The following NLGN1 variants were observed in gnomAD, a reference collection of about 807,000 sequenced individuals.
The protein encoded by NLGN1 is neuroligin-1.
In NLGN1, 12 loss-of-function variants were observed where a neutral mutation model predicts 65.5. The observed-to-expected ratio is 0.18, with a 90% CI of 0.12 to 0.30. The LOEUF is 0.30. NLGN1 is among the 10% of genes least tolerant of loss of function. The probability of loss-of-function intolerance (pLI) is 1.00; values close to 1 mark genes in which losing one functional copy is unlikely to be tolerated. For synonymous variants in NLGN1, 350 were observed against 359.5 expected (o/e 0.97, Z 0.30); for missense variants, 750 against 1,007.1 (o/e 0.74, Z 3.46).
intron 4 of NLGN1, among the ~76,000 whole-genome samples, chr3:174,238,509 C>T (rs1421411186): frequency 1.3e-5 from 2 of 151,928 alleles, no homozygotes. Flanking sequence ...ACTACAGGTG[C>T]GTGCCACCAT....
chr3:173,981,349 G>A (rs1425388093), intron 4 of NLGN1, among the ~76,000 whole-genome samples: 1 of 151,944 alleles, frequency 6.6e-6, no homozygotes, highest in Non-Finnish European at 1.5e-5. Flanking sequence ...ATAGTATTTG[G>A]GTGGTTTCAC....
At chr3:174,224,063 A>G (rs1341131490) in intron 4 of NLGN1, among the ~76,000 whole-genome samples, 14 of 152,034 alleles carry the variant, frequency 9.2e-5, no homozygotes. Flanking sequence ...TCTCTTTTCT[A>G]TCTCATGAAT....
intron 3 of NLGN1, among the ~76,000 whole-genome samples, chr3:173,651,298 A>G (rs1266390811): frequency 1.3e-5 from 2 of 150,950 alleles, no homozygotes; most frequent in African/African-American, 2.4e-5. Flanking sequence ...TTCAATATTT[A>G]TGTGTTATAT....
intron 4 of NLGN1, among the ~76,000 whole-genome samples, chr3:173,898,725 G>A (rs1736787345): frequency 6.6e-6 from 1 of 152,080 alleles, no homozygotes; most frequent in African/African-American, 2.4e-5. Flanking sequence ...TCCATTTTTA[G>A]TAGTAGGATT....
chr3:174,138,433 C>CTTTTTTTTTT (rs58713208), intron 4 of NLGN1, among the ~76,000 whole-genome samples: 3 of 132,564 alleles, frequency 2.3e-5, no homozygotes, highest in Non-Finnish European at 4.8e-5. Context: ...TTCTACTATT[C>CTTTTTTTTTT]TTTTTTTTTT....
chr3:174,014,573 A>G (rs1726177201), intron 4 of NLGN1, among the ~76,000 whole-genome samples: 1 of 152,074 alleles, frequency 6.6e-6, no homozygotes, highest in Non-Finnish European at 1.5e-5. Context: ...GTTATATTGC[A>G]CTCTTTGCAT....
chr3:173,970,689 G>T (rs1385291298), intron 4 of NLGN1, among the ~76,000 whole-genome samples: 1 of 152,128 alleles, frequency 6.6e-6, no homozygotes, highest in Non-Finnish European at 1.5e-5. Context: ...CTTAAATCTA[G>T]GCCTTGTCAA....
At chr3:173,800,062 T>C (rs1715105493) in intron 3 of NLGN1, among the ~76,000 whole-genome samples, 1 of 151,466 alleles carries the variant, frequency 6.6e-6, no homozygotes, top group Non-Finnish European at 1.5e-5. Flanking sequence ...CCATAATGTA[T>C]TTTTTATGCT....
intron 4 of NLGN1, among the ~76,000 whole-genome samples, chr3:173,863,346 A>T (rs1729518383): frequency 6.6e-6 from 1 of 152,192 alleles, no homozygotes; most frequent in African/African-American, 2.4e-5. Flanking sequence ...AAATGGATAT[A>T]CGTTTCCTAA....
chr3:173,734,379 C>CAATTTTT (rs1560261820), intron 3 of NLGN1, among the ~76,000 whole-genome samples: 3 of 59,048 alleles, frequency 5.1e-5, no homozygotes, highest in African/African-American at 1.9e-4. Context: ...GTGGATAATT[C>CAATTTTT]TATTTTTTTT....
chr3:174,034,389 T>C (rs1180210896), intron 4 of NLGN1, among the ~76,000 whole-genome samples: 1 of 151,996 alleles, frequency 6.6e-6, no homozygotes, highest in East Asian at 1.9e-4. Context: ...AAAAGAGCAT[T>C]AGAGAAGGAA....
At chr3:174,289,915 G>A (rs999953096), downstream of NLGN1, among the ~76,000 whole-genome samples, 2 of 138,698 alleles carry the variant, frequency 1.4e-5, no homozygotes, top group Non-Finnish European at 3.1e-5. Flanking sequence ...ATATATGTAT[G>A]TATATATATG....
chr3:174,044,152 C>A (rs954698607), intron 4 of NLGN1, among the ~76,000 whole-genome samples: 5 of 152,166 alleles, frequency 3.3e-5, no homozygotes, highest in Admixed American at 1.3e-4. Flanking sequence ...CTACACACAC[C>A]TGGGGAGCCC....
intron 1 of NLGN1, among the ~76,000 whole-genome samples, chr3:173,408,067 T>C (rs1262948290): frequency 6.6e-6 from 1 of 152,294 alleles, no homozygotes; most frequent in South Asian, 2.1e-4. Context: ...ATTCTTCTTA[T>C]CATTTTTGTT....
At chr3:173,416,772 T>G (rs903970126) in intron 1 of NLGN1, among the ~76,000 whole-genome samples, 2 of 152,174 alleles carry the variant, frequency 1.3e-5, no homozygotes, top group Non-Finnish European at 2.9e-5. Flanking sequence ...TATGATTAAA[T>G]GGATACTGAT....
At chr3:174,184,946 T>G (rs1731119987) in intron 4 of NLGN1, among the ~76,000 whole-genome samples, 1 of 152,096 alleles carries the variant, frequency 6.6e-6, no homozygotes, top group Non-Finnish European at 1.5e-5. Flanking sequence ...ACTCTTCAGA[T>G]TCAGGAAAAA....
intron 5 of NLGN1, 147 bp downstream of exon 5, chr3:174,275,674 G>A: frequency 6.5e-6 from 4 of 618,504 alleles, no homozygotes; most frequent in Non-Finnish European, 1.1e-5. Context: ...CAGTTTTTCT[G>A]TGCATGTTTA....
At chr3:174,095,132 C>G (rs917702817) in intron 4 of NLGN1, among the ~76,000 whole-genome samples, 1 of 151,456 alleles carries the variant, frequency 6.6e-6, no homozygotes, top group Non-Finnish European at 1.5e-5. Context: ...TTATAGTCAT[C>G]ATGACTGGCA....
At chr3:173,833,442 A>C (rs1021383693) in intron 4 of NLGN1, among the ~76,000 whole-genome samples, 8 of 152,062 alleles carry the variant, frequency 5.3e-5, no homozygotes, top group African/African-American at 1.9e-4. Context: ...TTAAATCTGT[A>C]CTAAAAAAAA....
Sources: gnomAD v4.1 joint callset for allele counts (sites outside exome capture counted in the v4.1 genomes callset) on GRCh38, gnomAD v4.1.1 for gene constraint, MANE v1.5 for transcripts, NCBI Gene and HGNC (gene_info 2026-07-23, HGNC 2026-07-21) for gene names.